Variants in ERBIN observed in about 807,000 individuals in gnomAD.
ERBIN encodes erbb2 interacting protein, also known as densin-180-like protein.
In ERBIN, 60 loss-of-function variants were observed where a neutral mutation model predicts 158.4. That is an observed-to-expected ratio of 0.38 (90% confidence interval 0.31 to 0.47). The LOEUF is 0.47. Among genes scored for constraint, ERBIN ranks in the 20% least tolerant of loss-of-function variants. The pLI is 0.99. For missense variants in ERBIN, 1,610 were observed against 1,648.0 expected, an observed-to-expected ratio of 0.98 and a Z score of 0.40; for synonymous variants, 594 against 557.2, an observed-to-expected ratio of 1.07 and a Z score of -0.93.
chr5:66,063,653 G>T (rs150626860), intron 21 of ERBIN, among the ~76,000 whole-genome samples: 1,962 of 152,252 alleles, frequency 0.013, 58 homozygotes, highest in East Asian at 0.12. Context: ...CTGTAGACTG[G>T]ACCTGTTCCT....
At chr5:66,002,726 T>C (rs1330134036) in intron 4 of ERBIN, among the ~76,000 whole-genome samples, 2 of 152,214 alleles carry the variant, frequency 1.3e-5, no homozygotes. Flanking sequence ...GACAAACTAG[T>C]GGAAAAGCCT....
intron 4 of ERBIN, among the ~76,000 whole-genome samples, chr5:66,000,422 G>T (rs1241526707): frequency 2.0e-5 from 3 of 152,106 alleles, no homozygotes; most frequent in African/African-American, 7.2e-5. Context: ...CTATTAGACT[G>T]CAGAGTAGCT....
chr5:65,930,921 T>C (rs1262365961), intron 1 of ERBIN, among the ~76,000 whole-genome samples: 3 of 152,254 alleles, frequency 2.0e-5, no homozygotes, highest in Non-Finnish European at 4.4e-5. Context: ...TCTATCACTC[T>C]ATTTTTGTCA....
chr5:65,987,519 G>GCC (rs1751394719), intron 1 of ERBIN, among the ~76,000 whole-genome samples: 1 of 152,044 alleles, frequency 6.6e-6, no homozygotes, highest in African/African-American at 2.4e-5. Context: ...CCGTGATTGT[G>GCC]CCACTGCATT....
At chr5:65,929,952 C>G (rs1743163541) in intron 1 of ERBIN, among the ~76,000 whole-genome samples, 1 of 151,982 alleles carries the variant, frequency 6.6e-6, no homozygotes, top group Non-Finnish European at 1.5e-5. Flanking sequence ...CTGCTAACTC[C>G]CATTTTTCAG....
At chr5:66,021,416 G>A (rs1232792008) in intron 8 of ERBIN, 31 bp downstream of exon 8, 4 of 1,435,836 alleles carry the variant, frequency 2.8e-6, no homozygotes, top group African/African-American at 1.4e-5. Context: ...CTTTCCCTAA[G>A]TTCTTATATT....
chr5:66,038,392 C>T lies in ERBIN; in HGVS notation c.1216C>T (p.Leu406=), dbSNP rs1757602732. The T allele has an allele frequency of 1.2e-6, 2 of 1,610,648 alleles. No homozygotes were observed. Among genetic ancestry groups the T allele is most frequent in the Middle Eastern group, 1.7e-4 (1 of 6,052 alleles). ...TATTTTCCTTCTCTAGTCCAAACCC[C>T]TGATACCTCTTCAAAAAGAAACTGA... ...MWLSDNQSKP[L]IPLQKETDSE... is the part of the protein sequence containing the mutation. Residue 406 remains leucine, a synonymous_variant, in exon 15 of 26, where the codon CTG becomes TTG. Transcript: ENST00000284037.
Position 65,983,157 on chromosome 5 carries a change from A to G in ERBIN, c.-57-5478A>G, listed in dbSNP as rs541257459. On this transcript the variant is annotated intron_variant, in intron 1 of 25. Coordinates refer to ENST00000284037, the MANE Select transcript of ERBIN (RefSeq NM_001253697.2). The stretch of plus-strand genomic sequence containing the variant: ...TTTTAGACATGTTTAGGCTAACTAT[A>G]GTTTGATATAAAATTTTAACACTGT... Among the ~76,000 whole-genome samples, 195 of 152,352 alleles carry G rather than the reference A, an allele frequency of 1.3e-3. 1 individual carries two copies. In the South Asian group the frequency reaches 0.014, roughly 11 times the overall value.
At chr5:66,011,323 TATC>T (rs1237809536) in intron 4 of ERBIN, among the ~76,000 whole-genome samples, 1 of 152,230 alleles carries the variant, frequency 6.6e-6, no homozygotes, top group Non-Finnish European at 1.5e-5. Flanking sequence ...CTTCCTCTTC[TATC>T]TGCAGCTTTA....
intron 14 of ERBIN, among the ~76,000 whole-genome samples, 171 bp downstream of exon 14, chr5:66,028,514 A>G (rs1299760038): frequency 6.6e-6 from 1 of 152,202 alleles, no homozygotes; most frequent in Non-Finnish European, 1.5e-5. Context: ...TTTTTATAAA[A>G]TAGGTGTAGA....
At chr5:66,027,098 C>T (rs1265227376) in intron 13 of ERBIN, among the ~76,000 whole-genome samples, 1 of 151,886 alleles carries the variant, frequency 6.6e-6, no homozygotes, top group Non-Finnish European at 1.5e-5. Flanking sequence ...AGTGTTTTCA[C>T]TTTTTGCTTT....
In ERBIN at chr5:66,038,422, G is replaced by A; in HGVS notation, c.1246G>A (p.Glu416Lys). 2 of 1,612,268 alleles carry A rather than the reference G, an allele frequency of 1.2e-6. No individual in the cohort carries two copies. The highest frequency in any genetic ancestry group is 1.7e-6 in the Non-Finnish European group (2 of 1,178,840). The change falls in exon 15 of 26, where the codon GAG becomes AAG. Residue 416 changes from glutamate to lysine, a missense_variant. By Grantham distance (56) the Glu-to-Lys change is moderately conservative (BLOSUM62 1). Coordinates refer to ENST00000284037, the MANE Select transcript of ERBIN (RefSeq NM_001253697.2). ...ACCTCTTCAAAAAGAAACTGATTCA[G>A]AGACCCAGAAAATGGTGCTTACCAA... ...LIPLQKETDS[E>K]TQKMVLTNYM...
chr5:66,047,511 A>G (rs1456428664), intron 18 of ERBIN, among the ~76,000 whole-genome samples: 3 of 152,028 alleles, frequency 2.0e-5, no homozygotes, highest in Non-Finnish European at 2.9e-5. Context: ...CCCTTCATAC[A>G]CTGCTAGTGG....
intron 14 of ERBIN, among the ~76,000 whole-genome samples, chr5:66,033,119 G>A (rs1757055422): frequency 6.6e-6 from 1 of 152,116 alleles, no homozygotes; most frequent in African/African-American, 2.4e-5. Context: ...ACCTTCAGAA[G>A]CTTCTCAAAA....
At chr5:65,942,668 T>G (rs1226877659) in intron 1 of ERBIN, among the ~76,000 whole-genome samples, 5 of 152,252 alleles carry the variant, frequency 3.3e-5, no homozygotes, top group Non-Finnish European at 4.4e-5. Context: ...CTCATGCCTG[T>G]AATCCCAGCA....
At chr5:65,981,470 CTT>C (rs1205377753) in intron 1 of ERBIN, among the ~76,000 whole-genome samples, 1 of 152,002 alleles carries the variant, frequency 6.6e-6, no homozygotes, top group South Asian at 2.1e-4. Context: ...AACATTTCCT[CTT>C]TGAAAAGATC....
chr5:66,058,984 T>A (rs1759940896), intron 21 of ERBIN, among the ~76,000 whole-genome samples: 2 of 152,204 alleles, frequency 1.3e-5, no homozygotes, highest in African/African-American at 4.8e-5. Context: ...CCTCCAGCTT[T>A]GTTTTTTTTG....
intron 1 of ERBIN, among the ~76,000 whole-genome samples, chr5:65,982,477 C>T (rs530200039): frequency 1.1e-4 from 16 of 152,250 alleles, no homozygotes; most frequent in Non-Finnish European, 2.4e-4. Context: ...AGTGTACTCT[C>T]GATCACAGTA....
intron 1 of ERBIN, among the ~76,000 whole-genome samples, chr5:65,974,188 A>G (rs1749596367): frequency 1.3e-5 from 2 of 152,018 alleles, no homozygotes; most frequent in Admixed American, 6.5e-5. Flanking sequence ...ATCCATATGT[A>G]TATAAGTGTT....
Sources: allele counts gnomAD v4.1 joint callset (sites outside exome capture counted in the v4.1 genomes callset), GRCh38; gene constraint gnomAD v4.1.1; transcripts MANE v1.5; gene names NCBI Gene and HGNC (gene_info 2026-07-23, HGNC 2026-07-21).